Variants in BHMT2 observed in about 807,000 individuals in gnomAD.
BHMT2 encodes the protein betaine--homocysteine S-methyltransferase 2.
Under a neutral mutation model 39.0 loss-of-function variants are expected in BHMT2, and 28 were observed. The observed-to-expected ratio is 0.72, with a 90% CI of 0.53 to 0.98. The LOEUF (loss-of-function observed/expected upper bound fraction) is 0.98, where lower values mean the gene tolerates loss of function less well. Among genes scored for constraint, BHMT2 ranks in the 50% least tolerant of loss-of-function variants. BHMT2 has a pLI of 0.00. For missense variants in BHMT2, 410 were observed against 455.6 expected (o/e 0.90, Z 0.91); for synonymous variants, 145 against 160.6 (o/e 0.90, Z 0.74).
chr5:79,088,704 G>C lies in BHMT2; in HGVS notation c.*130G>C. 1 of 682,890 alleles carries C rather than the reference G, an allele frequency of 1.5e-6. No individual in the cohort carries two copies. 42.3% of individuals were successfully genotyped at this position (682,890 alleles called of 1,614,324 possible). A position where few individuals can be genotyped will look rare whatever the true frequency, so the allele number is the denominator to read the frequency against. Reference sequence around the variant, plus strand: ...CCAGCTGCTGAGCAGCTGAGGTGCTGCAGCCCCTTCCCTTCCAGCCCACAA... The same window carrying C: ...CCAGCTGCTGAGCAGCTGAGGTGCTCCAGCCCCTTCCCTTCCAGCCCACAA... On this transcript the variant is annotated 3_prime_UTR_variant, in exon 8 of 8. Coordinates refer to ENST00000255192, the MANE Select transcript of BHMT2 (RefSeq NM_017614.5).
In BHMT2 at chr5:79,089,951, T is replaced by G. The variant is rs1473394812; in HGVS notation, c.*1377T>G. On this transcript the variant is annotated 3_prime_UTR_variant, in exon 8 of 8. Coordinates refer to ENST00000255192, the MANE Select transcript of BHMT2 (RefSeq NM_017614.5). ...CCACTGCAATCCAGCCTGGGAGACATAATTCAAATCTATTTTGGTCTTATA... is the reference window on the plus strand; with the variant it reads ...CCACTGCAATCCAGCCTGGGAGACAGAATTCAAATCTATTTTGGTCTTATA... Among the ~76,000 whole-genome samples the G allele has an allele frequency of 6.6e-6, 1 of 152,180 alleles. No homozygotes were observed. The highest frequency in any genetic ancestry group is 1.5e-5 in the Non-Finnish European group (1 of 68,022).
In BHMT2 at chr5:79,069,800, C is replaced by T; in HGVS notation, c.18C>T (p.Arg6=). 2 of 1,437,352 alleles carry T rather than the reference C, an allele frequency of 1.4e-6. No homozygotes were observed. Among genetic ancestry groups the T allele is most frequent in the Non-Finnish European group, 1.8e-6 (2 of 1,089,060 alleles). The allele number at this position is 1,437,352 out of a possible 1,614,324, so 89.0% of individuals were successfully genotyped here. A position where few individuals can be genotyped will look rare whatever the true frequency, so the allele number is the denominator to read the frequency against. The change falls in exon 1 of 8, where the codon CGC becomes CGT. Residue 6 remains arginine, a synonymous_variant. Transcript: ENST00000255192. ...GCGGCACCATGGCACCTGCTGGACG[C>T]CCGGGGGCCAAGAAGGTGAGTTTCG... MAPAG[R]PGAKKGILER... is the part of the protein sequence containing the mutation.
At position 79,074,993 on chromosome 5, in the gene BHMT2, G is replaced by A. The variant is rs142894893; in HGVS notation, c.34-2487G>A. Among the ~76,000 whole-genome samples the A allele has an allele frequency of 3.3e-5, 5 of 152,222 alleles. No individual in the cohort carries two copies. In the East Asian group the frequency reaches 5.8e-4, roughly 18 times the overall value. On this transcript the variant is annotated intron_variant, in intron 1 of 7. Coordinates refer to ENST00000255192, the MANE Select transcript of BHMT2 (RefSeq NM_017614.5). The stretch of plus-strand genomic sequence containing the variant: ...TGAGGAGGACAGTACCCTAGGGCTG[G>A]GTTGGCAAACGCTTTCTGTAAAGGG...
intron 1 of BHMT2, among the ~76,000 whole-genome samples, chr5:79,072,520 G>C (rs981499108): frequency 6.6e-6 from 1 of 152,110 alleles, no homozygotes; most frequent in Non-Finnish European, 1.5e-5. Context: ...GCTAATTCTT[G>C]GCATAGTTTC....
chr5:79,087,266 C>G (rs1347402541), intron 7 of BHMT2, among the ~76,000 whole-genome samples: 1 of 151,454 alleles, frequency 6.6e-6, no homozygotes, highest in Non-Finnish European at 1.5e-5. Context: ...ATCACTTAGC[C>G]AAAGCTTTCT....
At chr5:79,077,719 C>A in intron 2 of BHMT2, 107 bp downstream of exon 2, 1 of 1,385,732 alleles carries the variant, frequency 7.2e-7, no homozygotes, top group Non-Finnish European at 9.8e-7. Flanking sequence ...GGGTGTTTTG[C>A]TTGCTAAGAT....
At chr5:79,081,347 A>G (rs1755785790) in intron 4 of BHMT2, among the ~76,000 whole-genome samples, 1 of 152,190 alleles carries the variant, frequency 6.6e-6, no homozygotes, top group Non-Finnish European at 1.5e-5. Flanking sequence ...TTCTCCATCC[A>G]TGTCTTGCTC....
rs895185723 is a variant in BHMT2, at chr5:79,082,916, T to C, written c.558T>C (p.Asp186=). 2 of 1,614,052 alleles carry C rather than the reference T, an allele frequency of 1.2e-6. No individual in the cohort carries two copies. The highest frequency in any genetic ancestry group is 1.7e-6 in the Non-Finnish European group (2 of 1,180,046). ...TAGGCCCAGAGGGAGACATGCATGA[T>C]ATAACCCCCGGAGAATGTGCTGTGA... ...MCIGPEGDMH[D]ITPGECAVRL... The change falls in exon 5 of 8, where the codon GAT becomes GAC. Residue 186 remains aspartate, a synonymous_variant. Coordinates refer to ENST00000255192, the MANE Select transcript of BHMT2 (RefSeq NM_017614.5).
At chr5:79,083,562 C>A in intron 6 of BHMT2, 66 bp from the exon 7 acceptor site, 1 of 1,579,582 alleles carries the variant, frequency 6.3e-7, no homozygotes. Flanking sequence ...AAAAACTGCT[C>A]ATTAGAGCAT....
rs780004951 is a variant in BHMT2 at position 79,082,839 on chromosome 5, G to A, written c.481G>A (p.Ala161Thr). ...TGAGCACGTTGAAGAAGCTGTGTGGGCTGTGGAAGTCTTAAAAGAATCAGA... is the reference window on the plus strand; with the variant it reads ...TGAGCACGTTGAAGAAGCTGTGTGGACTGTGGAAGTCTTAAAAGAATCAGA... ...YFEHVEEAVW[A>T]VEVLKESDRP... Residue 161 changes from alanine to threonine, a missense_variant, in exon 5 of 8, where the codon GCT becomes ACT. By Grantham distance (58) the Ala-to-Thr change is moderately conservative. Coordinates refer to ENST00000255192, the MANE Select transcript of BHMT2 (RefSeq NM_017614.5). The A allele has an allele frequency of 8.1e-6, 13 of 1,614,122 alleles. No homozygotes were observed. Among genetic ancestry groups the A allele is most frequent in the Non-Finnish European group, 1.1e-5 (13 of 1,180,030 alleles).
In BHMT2 at chr5:79,083,192, G is replaced by C; in HGVS notation, c.599G>C (p.Gly200Ala). The C allele has an allele frequency of 6.2e-7, 1 of 1,613,918 alleles. No individual in the cohort carries two copies. Among genetic ancestry groups the C allele is most frequent in the East Asian group, 2.2e-5 (1 of 44,880 alleles). The change falls in exon 6 of 8, where the codon GGG (glycine) becomes GCG (alanine). Residue 200 changes from glycine (G) to alanine (A), a missense_variant and splice_region_variant. Coordinates refer to ENST00000255192, the MANE Select transcript of BHMT2 (RefSeq NM_017614.5). ...ATGTAAGTGTTATTTCTTTGCACAG[G>C]GGCTTCCATCGTTGGCGTGAACTGC... ...GECAVRLVKA[G>A]ASIVGVNCRF...
chr5:79,077,436 A>G (rs770175969), intron 1 of BHMT2, 44 bp from the exon 2 acceptor site: 2 of 1,563,710 alleles, frequency 1.3e-6, no homozygotes, highest in Non-Finnish European at 1.7e-6. Flanking sequence ...AGGAAAAAAA[A>G]AAAAAGTAGA....
rs369672073 is a variant in BHMT2 at position 79,080,826 on chromosome 5, G to A, written c.398G>A (p.Arg133Gln). 7 of 1,605,156 alleles carry A rather than the reference G, an allele frequency of 4.4e-6. No individual in the cohort carries two copies. The highest frequency in any genetic ancestry group is 1.7e-5 in the Admixed American group (1 of 57,804). Residue 133 changes from arginine (R) to glutamine (Q), a missense_variant, in exon 4 of 8, where the codon CGA becomes CAA. By Grantham distance (43) the Arg-to-Gln change is conservative. Coordinates refer to ENST00000255192, the MANE Select transcript of BHMT2 (RefSeq NM_017614.5). ...KDEARIKKLF[R>Q]QQLEVFAWKN... is the part of the protein sequence containing the mutation. Reference sequence around the variant, plus strand: ...GAAGCTAGAATTAAAAAACTTTTTCGACAACAGCTAGAAGTTTTTGCCTGG... The same window carrying A: ...GAAGCTAGAATTAAAAAACTTTTTCAACAACAGCTAGAAGTTTTTGCCTGG...
chr5:79,088,403 T>TATACATATAC, intron 7 of BHMT2, 90 bp from the exon 8 acceptor site: 1 of 778,826 alleles, frequency 1.3e-6, no homozygotes, highest in Non-Finnish European at 2.1e-6. Flanking sequence ...TGTGTGGTTA[T>TATACATATAC]ATACATATAC....
intron 7 of BHMT2, among the ~76,000 whole-genome samples, chr5:79,087,284 G>A (rs1755920126): frequency 6.6e-6 from 1 of 151,768 alleles, no homozygotes; most frequent in East Asian, 1.9e-4. Flanking sequence ...TCTTCTAGGA[G>A]ATATGGATAT....
rs1755958881 is a variant in BHMT2 at position 79,088,776 on chromosome 5, T to C, written c.*202T>C. 3 of 469,982 alleles carry C rather than the reference T, an allele frequency of 6.4e-6. No individual in the cohort carries two copies. Among genetic ancestry groups the C allele is most frequent in the African/African-American group, 2.0e-5 (1 of 50,236 alleles). The allele number at this position is 469,982 out of a possible 1,614,324, so 29.1% of individuals were successfully genotyped here. On this transcript the variant is annotated 3_prime_UTR_variant, in exon 8 of 8. Coordinates refer to ENST00000255192, the MANE Select transcript of BHMT2 (RefSeq NM_017614.5). ...GCTGTGGTTAAGCACTGCAACAGAC[T>C]CTACCAGAGATGCAAAGAGAAGCGA...
chr5:79,087,537 A>G (rs933819533), intron 7 of BHMT2, among the ~76,000 whole-genome samples: 33 of 152,140 alleles, frequency 2.2e-4, no homozygotes, highest in African/African-American at 7.5e-4. Context: ...ACCTACTGAT[A>G]TTCACAGAAA....
chr5:79,075,081 G>A (rs1407833465), intron 1 of BHMT2, among the ~76,000 whole-genome samples: 1 of 152,172 alleles, frequency 6.6e-6, no homozygotes, highest in East Asian at 1.9e-4. Context: ...ACTCAACTCT[G>A]CTACTGTAGT....
At chr5:79,077,326 A>T (rs1427432581) in intron 1 of BHMT2, among the ~76,000 whole-genome samples, 154 bp from the exon 2 acceptor site, 3 of 152,192 alleles carry the variant, frequency 2.0e-5, no homozygotes, top group African/African-American at 7.2e-5. Flanking sequence ...GAAATATGGT[A>T]TGCTCAATCT....
Sources: gnomAD v4.1 joint callset for allele counts (sites outside exome capture counted in the v4.1 genomes callset) on GRCh38, gnomAD v4.1.1 for gene constraint, MANE v1.5 for transcripts, NCBI Gene and HGNC (gene_info 2026-07-23, HGNC 2026-07-21) for gene names.